Variants in CCDC170 observed in about 807,000 individuals in gnomAD.
CCDC170 encodes the protein coiled-coil domain-containing protein 170.
A neutral mutation model predicts 72.6 loss-of-function variants in CCDC170; 69 were observed. The ratio of observed to expected loss-of-function variants is 0.95; its 90% confidence interval spans 0.78 to 1.16. The LOEUF (loss-of-function observed/expected upper bound fraction) is 1.16. Among genes scored for constraint, CCDC170 ranks in the 50% most tolerant of loss-of-function variants. The pLI, the probability that CCDC170 is intolerant of heterozygous loss-of-function variation, is 0.00. For synonymous variants in CCDC170, 300 were observed against 303.9 expected, an observed-to-expected ratio of 0.99 and a Z score of 0.13; for missense variants, 852 against 832.5, an observed-to-expected ratio of 1.02 and a Z score of -0.29.
intron 3 of CCDC170, among the ~76,000 whole-genome samples, chr6:151,541,487 G>A (rs966577895): frequency 2.0e-5 from 3 of 152,034 alleles, no homozygotes; most frequent in Non-Finnish European, 4.4e-5. Context: ...TAGTAGCTGG[G>A]ACTACAGGTG....
At chr6:151,536,773 CAAAAAAAAAAAAAA>C (rs55663799) in intron 2 of CCDC170, among the ~76,000 whole-genome samples, 1 of 79,248 alleles carries the variant, frequency 1.3e-5, no homozygotes, top group South Asian at 5.1e-4. Context: ...GACTCCATCT[CAAAAAAAAAAAAAA>C]AAAAAAAAAA....
chr6:151,549,802 C>T (rs1426157423), intron 5 of CCDC170, among the ~76,000 whole-genome samples: 1 of 152,160 alleles, frequency 6.6e-6, no homozygotes, highest in African/African-American at 2.4e-5. Flanking sequence ...CTTTTTAACA[C>T]AAATGTTGAC....
At chr6:151,520,692 A>C (rs969197470) in intron 1 of CCDC170, among the ~76,000 whole-genome samples, 3 of 152,122 alleles carry the variant, frequency 2.0e-5, no homozygotes, top group African/African-American at 7.2e-5. Context: ...CATTTTGCAG[A>C]CCCTGCACTT....
chr6:151,531,562 AG>A (rs1782490800), intron 1 of CCDC170, among the ~76,000 whole-genome samples: 2 of 152,196 alleles, frequency 1.3e-5, no homozygotes, highest in Non-Finnish European at 2.9e-5. Context: ...CATAATGTTT[AG>A]GGGGAAAACC....
At chr6:151,515,442 CT>C (rs1782221498) in intron 1 of CCDC170, among the ~76,000 whole-genome samples, 1 of 152,184 alleles carries the variant, frequency 6.6e-6, no homozygotes, top group Non-Finnish European at 1.5e-5. Context: ...ATCACCACAC[CT>C]GGCTAATTTT....
At chr6:151,530,688 G>C (rs1782480604) in intron 1 of CCDC170, among the ~76,000 whole-genome samples, 2 of 151,926 alleles carry the variant, frequency 1.3e-5, no homozygotes, top group South Asian at 2.1e-4. Context: ...GATCGGCCTA[G>C]CCTCCCAAAG....
intron 9 of CCDC170, among the ~76,000 whole-genome samples, chr6:151,602,616 A>G (rs1776725411): frequency 6.6e-6 from 1 of 151,918 alleles, no homozygotes; most frequent in Non-Finnish European, 1.5e-5. Flanking sequence ...ATGAGATCTG[A>G]TTGTTTTATA....
chr6:151,611,366 C>A (rs1776867596), intron 9 of CCDC170, among the ~76,000 whole-genome samples: 1 of 152,176 alleles, frequency 6.6e-6, no homozygotes, highest in South Asian at 2.1e-4. Flanking sequence ...ACAGAAATTT[C>A]TTACAGTTCT....
intron 5 of CCDC170, among the ~76,000 whole-genome samples, chr6:151,568,851 G>A (rs577153900): frequency 6.6e-6 from 1 of 152,242 alleles, no homozygotes; most frequent in South Asian, 2.1e-4. Flanking sequence ...GAATATTCAT[G>A]TAGTATGTTG....
At chr6:151,595,783 C>T (rs957029487) in intron 8 of CCDC170, among the ~76,000 whole-genome samples, 1 of 152,094 alleles carries the variant, frequency 6.6e-6, no homozygotes, top group African/African-American at 2.4e-5. Flanking sequence ...CATGCCACTA[C>T]ACCCCAGCCT....
At chr6:151,565,687 T>C (rs978542323) in intron 5 of CCDC170, among the ~76,000 whole-genome samples, 1 of 152,220 alleles carries the variant, frequency 6.6e-6, no homozygotes, top group Non-Finnish European at 1.5e-5. Flanking sequence ...CCTTGAGAAC[T>C]TCTAATGTCC....
intron 5 of CCDC170, among the ~76,000 whole-genome samples, chr6:151,552,835 G>A (rs978144123): frequency 5.6e-4 from 78 of 139,144 alleles, no homozygotes; most frequent in African/African-American, 2.1e-3. Flanking sequence ...TCTCCAGGCT[G>A]GAGTCCAGTG....
rs116290922 is a variant in CCDC170 at position 151,539,674 on chromosome 6, C to T, written c.443+1373C>T. Among the ~76,000 whole-genome samples the T allele has an allele frequency of 5.0e-3, 761 of 152,292 alleles. 7 individuals carry two copies. Among genetic ancestry groups the T allele is most frequent in the African/African-American group, 0.017 (726 of 41,562 alleles). On this transcript the variant is annotated intron_variant, in intron 3 of 10. Coordinates refer to ENST00000239374, the MANE Select transcript of CCDC170 (RefSeq NM_025059.4). ...AGAATCTAAATGCTGGTGACTCCCACATTTCTGTGTCTAGCCTGGATCTCT... is the reference window on the plus strand; with the variant it reads ...AGAATCTAAATGCTGGTGACTCCCATATTTCTGTGTCTAGCCTGGATCTCT...
At chr6:151,500,303 A>T (rs1460777060) in intron 1 of CCDC170, among the ~76,000 whole-genome samples, 1 of 151,570 alleles carries the variant, frequency 6.6e-6, no homozygotes, top group East Asian at 1.9e-4. Flanking sequence ...TATGAACTTA[A>T]GTCAGAAGCC....
At chr6:151,512,845 G>A (rs761530229) in intron 1 of CCDC170, among the ~76,000 whole-genome samples, 14 of 152,188 alleles carry the variant, frequency 9.2e-5, no homozygotes, top group Non-Finnish European at 1.8e-4. Flanking sequence ...TATTCTTCGT[G>A]TGATAAATAT....
At chr6:151,601,057 G>C (rs146365580) in intron 9 of CCDC170, among the ~76,000 whole-genome samples, 1 of 152,112 alleles carries the variant, frequency 6.6e-6, no homozygotes, top group Non-Finnish European at 1.5e-5. Context: ...AGACATACCC[G>C]AGACTGGGCA....
At position 151,548,306 on chromosome 6, in the gene CCDC170, T is replaced by A. The variant is rs1170876625; in HGVS notation, c.591T>A (p.Leu197=). ...KASDEDLILK[L]RDLRKENEFV... ...AGCTGTAATTGCTTTCTCTTCAGCTTAGAGACCTGCGCAAAGAAAATGAAT... is the reference window on the plus strand; with the variant it reads ...AGCTGTAATTGCTTTCTCTTCAGCTAAGAGACCTGCGCAAAGAAAATGAAT... Residue 197 remains leucine (L), a splice_region_variant and synonymous_variant, in exon 5 of 11, where the codon CTT becomes CTA. Transcript: ENST00000239374. 7 of 1,570,210 alleles carry A rather than the reference T, an allele frequency of 4.5e-6. No homozygotes were observed. Among genetic ancestry groups the A allele is most frequent in the Non-Finnish European group, 6.0e-6 (7 of 1,157,250 alleles).
chr6:151,524,232 C>G (rs1247629079), intron 1 of CCDC170, among the ~76,000 whole-genome samples: 1 of 152,186 alleles, frequency 6.6e-6, no homozygotes, highest in Admixed American at 6.5e-5. Flanking sequence ...GGGCAAGCCC[C>G]CCTGTGCAAG....
At chr6:151,586,674 A>T (rs750244723) in intron 7 of CCDC170, among the ~76,000 whole-genome samples, 6 of 152,118 alleles carry the variant, frequency 3.9e-5, no homozygotes, top group Non-Finnish European at 7.4e-5. Context: ...GTGGCAAGAG[A>T]AAAGACTGGA....
Sources: allele counts gnomAD v4.1 joint callset (sites outside exome capture counted in the v4.1 genomes callset), GRCh38; gene constraint gnomAD v4.1.1; transcripts MANE v1.5; gene names NCBI Gene and HGNC (gene_info 2026-07-23, HGNC 2026-07-21).